The following RELN variants were observed in gnomAD, a reference collection of about 807,000 sequenced individuals.
RELN encodes the protein reelin.
RELN carries 108 observed loss-of-function variants against 427.6 expected under a neutral mutation model. The observed-to-expected ratio is 0.25, with a 90% CI of 0.22 to 0.30. The LOEUF (loss-of-function observed/expected upper bound fraction) is 0.30, where lower values mean the gene tolerates loss of function less well. RELN is among the 10% of genes least tolerant of loss of function. The probability of loss-of-function intolerance (pLI) is 1.00; values close to 1 mark genes in which losing one functional copy is unlikely to be tolerated. For missense variants in RELN, 3,715 were observed against 4,302.8 expected, an observed-to-expected ratio of 0.86 and a Z score of 3.82; for synonymous variants, 1,524 against 1,513.4, an observed-to-expected ratio of 1.01 and a Z score of -0.16.
rs976115902 is a variant in RELN at position 103,626,582 on chromosome 7, C to T, written c.2702+3358G>A. 2.0e-5 allele frequency among the ~76,000 whole-genome samples: 3 copies of T among 152,066 alleles called. No individual in the cohort carries two copies. The highest frequency in any genetic ancestry group is 4.4e-5 in the Non-Finnish European group (3 of 67,982). ...GCCAGGCTGGTCTTTGAATTCCTGG[C>T]CTCAGGTGATCCGCCCACCTTGGCC... On this transcript the variant is annotated intron_variant, in intron 20 of 64. Transcript: ENST00000428762. This position sits in a 1 kb window ranked among gnomAD's most constrained non-coding sequence, Gnocchi z 4.4.
intron 11 of RELN, among the ~76,000 whole-genome samples, chr7:103,673,429 C>T (rs1833439266): frequency 6.6e-6 from 1 of 152,032 alleles, no homozygotes; most frequent in South Asian, 2.1e-4. Context: ...CTGTCAGCCA[C>T]CTTCTATACT....
intron 46 of RELN, among the ~76,000 whole-genome samples, chr7:103,529,651 C>G (rs945959997): frequency 1.3e-5 from 2 of 152,034 alleles, no homozygotes; most frequent in African/African-American, 4.8e-5. Flanking sequence ...TCAATAACTC[C>G]TGACATTCCT....
rs79509902 is a variant in RELN at position 103,886,218 on chromosome 7, T to C, written c.337+30857A>G. On this transcript the variant is annotated intron_variant, in intron 2 of 64. Coordinates refer to ENST00000428762, the MANE Select transcript of RELN (RefSeq NM_005045.4). ...AAAAGGAAAGGGAAAAAAACCTACA[T>C]TGGGACCCCATCTCTTTGGTATACA... Among the ~76,000 whole-genome samples, 609 of 152,296 alleles carry C rather than the reference T, an allele frequency of 4.0e-3. 23 individuals are homozygous for C. The East Asian group carries it at 0.072, about 18-fold the overall frequency.
chr7:103,720,030 ATATG>A (rs987666575), intron 8 of RELN, among the ~76,000 whole-genome samples: 18 of 152,176 alleles, frequency 1.2e-4, no homozygotes, highest in South Asian at 6.2e-4. Flanking sequence ...TTATGTATAT[ATATG>A]TATGTGTGTG....
chr7:103,597,938 C>A (rs1831576760), intron 24 of RELN, among the ~76,000 whole-genome samples: 1 of 152,186 alleles, frequency 6.6e-6, no homozygotes, highest in South Asian at 2.1e-4. Context: ...TCTTCCAAAG[C>A]TCATCCATGG....
chr7:103,572,344 AC>A lies in RELN; in HGVS notation c.4512-85del, dbSNP rs201557124. ...TAGCGTTTTGACACATTAGAAAAAAACCCTCCTGTATTTATTAAGTACTACT... is the reference window on the plus strand; with the variant it reads ...TAGCGTTTTGACACATTAGAAAAAAACCTCCTGTATTTATTAAGTACTACT... On this transcript the variant is annotated intron_variant, in intron 30 of 64. Coordinates refer to ENST00000428762, the MANE Select transcript of RELN (RefSeq NM_005045.4). 1,271 of 768,474 alleles carry A rather than the reference AC, an allele frequency of 1.7e-3. 8 individuals carry two copies. The African/African-American group carries it at 0.017, about 10-fold the overall frequency. 47.6% of individuals were successfully genotyped at this position (768,474 alleles called of 1,614,324 possible).
rs1485798655 is a variant in RELN at position 103,569,758 on chromosome 7, CAAT to C, written c.4588+2423_4588+2425del. Among the ~76,000 whole-genome samples the C allele has an allele frequency of 6.6e-6, 1 of 152,168 alleles. No homozygotes were observed. The highest frequency in any genetic ancestry group is 1.5e-5 in the Non-Finnish European group (1 of 68,034). On this transcript the variant is annotated intron_variant, in intron 31 of 64. Coordinates refer to ENST00000428762, the MANE Select transcript of RELN (RefSeq NM_005045.4). This position sits in a 1 kb window ranked among gnomAD's most constrained non-coding sequence, Gnocchi z 4.0. ...CGAGGAATGCAAGAAAGGCAAAGAG[CAAT>C]ATACATATCTCATATCACTTGCTGA...
In RELN at chr7:103,651,764, G is replaced by C; in HGVS notation, c.1789C>G (p.His597Asp). 6.2e-7 allele frequency: 1 copy of C among 1,611,786 alleles called. No homozygotes were observed. The highest frequency in any genetic ancestry group is 8.5e-7 in the Non-Finnish European group (1 of 1,178,668). Residue 597 changes from histidine (H) to aspartate (D), a missense_variant, in exon 15 of 65, where the codon CAT becomes GAT. Around this residue, in one of 4 missense-constraint regions of RELN, gnomAD observed 2,208 missense variants for 2,361.7 expected, o/e 0.93. Coordinates refer to ENST00000428762, the MANE Select transcript of RELN (RefSeq NM_005045.4). ...TGAAGGAGGGACCAGGAGCGCCCAT[G>C]GTTGGTAGAAAATTCCAAGCTGACA... ...NSVSLEFSTN[H>D]GRSWSLLHTE...
intron 10 of RELN, among the ~76,000 whole-genome samples, chr7:103,686,728 T>A (rs187638774): frequency 6.6e-6 from 1 of 152,308 alleles, no homozygotes; most frequent in Non-Finnish European, 1.5e-5. Context: ...TCTTTTACTA[T>A]GCTATACCCA....
At position 103,720,173 on chromosome 7, in the gene RELN, TTGTGTGTG is replaced by T. The variant is rs72036005; in HGVS notation, c.805+2959_805+2966del. Among the ~76,000 whole-genome samples the T allele has an allele frequency of 2.4e-3, 356 of 145,648 alleles. 1 individual carries two copies. Among genetic ancestry groups the T allele is most frequent in the Middle Eastern group, 3.6e-3 (1 of 280 alleles). ...AATATATGTATATATTGTATAAACA[TTGTGTGTG>T]TGTGTGTGTGTGTGTGTGTGTATTT... is the stretch of plus-strand genomic sequence containing the variant. On this transcript the variant is annotated intron_variant, in intron 8 of 64. Transcript: ENST00000428762.
At chr7:103,905,282 A>C (rs1795176307) in intron 2 of RELN, among the ~76,000 whole-genome samples, 1 of 151,642 alleles carries the variant, frequency 6.6e-6, no homozygotes, top group East Asian at 1.9e-4. Flanking sequence ...CCTGCCCTCT[A>C]TTTTCTTAAT....
At chr7:103,907,510 G>A (rs540714064) in intron 2 of RELN, among the ~76,000 whole-genome samples, 35 of 149,488 alleles carry the variant, frequency 2.3e-4, no homozygotes, top group Admixed American at 8.7e-4. Flanking sequence ...AAGCAAATCC[G>A]TAGAGACAGA....
At chr7:103,506,415 TAAAGA>T (rs1039642958) in intron 51 of RELN, among the ~76,000 whole-genome samples, 1 of 152,176 alleles carries the variant, frequency 6.6e-6, no homozygotes, top group Non-Finnish European at 1.5e-5. Context: ...TCAACATTCT[TAAAGA>T]AAAGAGTTTT....
chr7:103,621,633 G>C (rs1223179731), intron 20 of RELN, among the ~76,000 whole-genome samples: 2 of 152,154 alleles, frequency 1.3e-5, no homozygotes, highest in South Asian at 4.1e-4. Context: ...AGCAAGGCAG[G>C]GGGCAGGGGA....
At chr7:103,869,846 T>A (rs763983845) in intron 2 of RELN, among the ~76,000 whole-genome samples, 2 of 152,174 alleles carry the variant, frequency 1.3e-5, no homozygotes, top group Non-Finnish European at 2.9e-5. Context: ...ATATCCAACT[T>A]TAATTCTCTG....
intron 2 of RELN, among the ~76,000 whole-genome samples, chr7:103,859,486 G>T (rs1176997719): frequency 6.6e-6 from 1 of 151,992 alleles, no homozygotes; most frequent in East Asian, 1.9e-4. Flanking sequence ...GTAGAGACAG[G>T]GTTTCACTGT....
chr7:103,530,214 T>A (rs1344642392), intron 46 of RELN, among the ~76,000 whole-genome samples: 2 of 152,218 alleles, frequency 1.3e-5, no homozygotes, highest in African/African-American at 4.8e-5. Context: ...ATCATTTGAC[T>A]AAATTTGCCA....
intron 10 of RELN, among the ~76,000 whole-genome samples, chr7:103,697,154 C>T (rs1405171540): frequency 6.6e-6 from 1 of 152,062 alleles, no homozygotes; most frequent in African/African-American, 2.4e-5. Context: ...CGGTAAGGGC[C>T]ACTTTCTGGT....
At chr7:103,557,864 A>G (rs1162170101) in intron 37 of RELN, 101 bp downstream of exon 37, 7 of 695,710 alleles carry the variant, frequency 1.0e-5, no homozygotes, top group East Asian at 2.7e-5. Context: ...TAGCCCTTCC[A>G]TACAACAAAA....
Sources: gnomAD v4.1 joint callset for allele counts (sites outside exome capture counted in the v4.1 genomes callset) on GRCh38, gnomAD v4.1.1 for gene constraint, gnomAD v4.1.1 regional missense constraint, Gnocchi (gnomAD v3.1) non-coding constraint, MANE v1.5 for transcripts, NCBI Gene and HGNC (gene_info 2026-07-23, HGNC 2026-07-21) for gene names.